Variants in SETD5 observed in about 807,000 individuals in gnomAD.
SETD5 encodes the protein SET domain containing 5, also known as histone-lysine N-methyltransferase SETD5.
In SETD5, 44 loss-of-function variants were observed where a neutral mutation model predicts 153.3. The ratio of observed to expected loss-of-function variants is 0.29; its 90% confidence interval spans 0.23 to 0.37. SETD5 has a LOEUF of 0.37. SETD5 is among the 10% of genes least tolerant of loss of function. The probability of loss-of-function intolerance (pLI) is 1.00; values close to 1 mark genes in which losing one functional copy is unlikely to be tolerated. For synonymous variants in SETD5, 716 were observed against 645.2 expected (o/e 1.11, Z -1.66); for missense variants, 1,544 against 1,768.0 (o/e 0.87, Z 2.27).
intron 15 of SETD5, 56 bp from the exon 16 acceptor site, chr3:9,448,332 A>G (rs2042250684): frequency 1.9e-6 from 3 of 1,575,778 alleles, no homozygotes; most frequent in Non-Finnish European, 1.7e-6. Context: ...GTTTGTCTTT[A>G]TGAACTACAC....
At chr3:9,442,899 G>A in intron 10 of SETD5, 1 of 171,650 alleles carries the variant, frequency 5.8e-6, no homozygotes, top group Non-Finnish European at 1.3e-5. Context: ...ACTTAGCCAG[G>A]CATTGTGGCG....
chr3:9,442,571 C>G (rs2041431844), intron 10 of SETD5, among the ~76,000 whole-genome samples: 1 of 152,100 alleles, frequency 6.6e-6, no homozygotes, highest in African/African-American at 2.4e-5. Context: ...CCTAACTAAG[C>G]TATTTGGTTG....
chr3:9,467,899 C>T (rs1391913330), intron 18 of SETD5, among the ~76,000 whole-genome samples: 1 of 151,778 alleles, frequency 6.6e-6, no homozygotes, highest in Non-Finnish European at 1.5e-5. Flanking sequence ...ATAGGGGTGG[C>T]TCAGGTCTAA....
At chr3:9,467,213 A>C (rs963278311) in intron 18 of SETD5, among the ~76,000 whole-genome samples, 3 of 151,304 alleles carry the variant, frequency 2.0e-5, no homozygotes, top group African/African-American at 7.3e-5. Flanking sequence ...AAAAAAAAAA[A>C]AAAAAAAAAA....
chr3:9,417,979 C>T (rs1322240853), intron 1 of SETD5, among the ~76,000 whole-genome samples: 8 of 141,062 alleles, frequency 5.7e-5, no homozygotes, highest in South Asian at 2.3e-4. Flanking sequence ...CTTGCTCTGT[C>T]GCACAGGCTG....
chr3:9,420,786 C>G (rs1342282531), intron 1 of SETD5, among the ~76,000 whole-genome samples: 3 of 152,034 alleles, frequency 2.0e-5, no homozygotes, highest in Admixed American at 6.6e-5. Context: ...TCTTTGTTTT[C>G]CAGTAACTCA....
intron 3 of SETD5, chr3:9,432,265 GAAAT>G (rs2040051396): frequency 1.0e-6 from 1 of 983,560 alleles, no homozygotes; most frequent in Non-Finnish European, 1.2e-6. Context: ...TCTTCACTTA[GAAAT>G]TTCCTTTGCT....
At chr3:9,421,680 T>A (rs1478655835) in intron 1 of SETD5, among the ~76,000 whole-genome samples, 1 of 152,220 alleles carries the variant, frequency 6.6e-6, no homozygotes, top group Non-Finnish European at 1.5e-5. Flanking sequence ...TTTTGAATAA[T>A]CAAGTTCAGA....
chr3:9,467,808 G>C (rs1269202889), intron 18 of SETD5, among the ~76,000 whole-genome samples: 1 of 152,030 alleles, frequency 6.6e-6, no homozygotes, highest in Non-Finnish European at 1.5e-5. Flanking sequence ...CCCTCTGTAG[G>C]ATACAGGGAC....
chr3:9,405,518 G>T (rs1157738081), intron 1 of SETD5, among the ~76,000 whole-genome samples: 2 of 152,094 alleles, frequency 1.3e-5, no homozygotes, highest in Non-Finnish European at 2.9e-5. Context: ...CACAAAGGGG[G>T]AAATTTTATT....
At chr3:9,451,115 G>A (rs1025105988) in intron 16 of SETD5, among the ~76,000 whole-genome samples, 3 of 152,144 alleles carry the variant, frequency 2.0e-5, no homozygotes, top group African/African-American at 4.8e-5. Context: ...TGTGTATAGG[G>A]CATTTGGTCT....
chr3:9,438,002 CAA>C (rs35059227), intron 7 of SETD5, among the ~76,000 whole-genome samples: 28 of 136,584 alleles, frequency 2.1e-4, no homozygotes, highest in African/African-American at 2.9e-4. Flanking sequence ...GACTCCATCT[CAA>C]AAAAAAAAAA....
chr3:9,421,090 A>G (rs887388801), intron 1 of SETD5, among the ~76,000 whole-genome samples: 3 of 151,890 alleles, frequency 2.0e-5, no homozygotes, highest in Admixed American at 2.0e-4. Context: ...AGATGAGAAA[A>G]CTGAGACTTT....
At chr3:9,464,804 C>T (rs533053801) in intron 18 of SETD5, 132 bp downstream of exon 18, 8 of 1,437,206 alleles carry the variant, frequency 5.6e-6, no homozygotes, top group Non-Finnish European at 6.7e-6. Flanking sequence ...GAATGGGAAA[C>T]CTCAGGGTCA....
Position 9,434,084 on chromosome 3 carries a change from C to T in SETD5, c.177+134C>T, listed in dbSNP as rs773584818. On this transcript the variant is annotated intron_variant, in intron 4 of 22. Coordinates refer to ENST00000402198, the MANE Select transcript of SETD5 (RefSeq NM_001080517.3). The surrounding 1 kb of genome is among the most constrained non-coding windows in gnomAD (Gnocchi z 5.6). ...CCCTTTTGCACTTCCCTGACTCCAG[C>T]GGACGTCTAGCCCTGCATCATTGTT... The T allele has an allele frequency of 5.7e-6, 9 of 1,578,998 alleles. No homozygotes were observed. Among genetic ancestry groups the T allele is most frequent in the Middle Eastern group, 1.7e-4 (1 of 6,046 alleles).
intron 16 of SETD5, among the ~76,000 whole-genome samples, chr3:9,450,704 A>T (rs145700017): frequency 2.0e-5 from 3 of 152,186 alleles, no homozygotes; most frequent in Non-Finnish European, 4.4e-5. Flanking sequence ...AATCAGATAG[A>T]TAAGAAAACC....
chr3:9,412,987 C>G (rs753126029), intron 1 of SETD5, among the ~76,000 whole-genome samples: 5 of 152,072 alleles, frequency 3.3e-5, no homozygotes, highest in Non-Finnish European at 7.4e-5. Context: ...CTCAGCCTCC[C>G]AGAGCTTTGG....
intron 22 of SETD5, 24 bp from the exon 23 acceptor site, chr3:9,475,459 T>G (rs2045762157): frequency 1.3e-6 from 2 of 1,592,284 alleles, no homozygotes; most frequent in African/African-American, 2.7e-5. Context: ...GCGTCCTTAT[T>G]CGTTTCCTCC....
At chr3:9,438,458 G>A (rs1321150834) in intron 7 of SETD5, among the ~76,000 whole-genome samples, 5 of 152,036 alleles carry the variant, frequency 3.3e-5, no homozygotes, top group African/African-American at 1.2e-4. Flanking sequence ...CCAGAAAACT[G>A]CACATAAACC....
Sources: gnomAD v4.1 joint callset for allele counts (sites outside exome capture counted in the v4.1 genomes callset) on GRCh38, gnomAD v4.1.1 for gene constraint, Gnocchi (gnomAD v3.1) non-coding constraint, MANE v1.5 for transcripts, NCBI Gene and HGNC (gene_info 2026-07-23, HGNC 2026-07-21) for gene names.